SENP7: variants seen among roughly 807,000 people sequenced by gnomAD.
SENP7 encodes SUMO specific peptidase 7, also known as sentrin-specific protease 7.
In SENP7, 64 loss-of-function variants were observed where a neutral mutation model predicts 141.2. The observed-to-expected ratio is 0.45, with a 90% confidence interval of 0.37 to 0.56. The LOEUF is 0.56. Among genes scored for constraint, SENP7 ranks in the 20% least tolerant of loss-of-function variants. The pLI is 0.00. For missense variants in SENP7, 1,025 were observed against 1,212.2 expected, an observed-to-expected ratio of 0.85 and a Z score of 2.29; for synonymous variants, 382 against 426.4, an observed-to-expected ratio of 0.90 and a Z score of 1.28.
At chr3:101,439,527 G>A (rs1412647875) in intron 4 of SENP7, among the ~76,000 whole-genome samples, 30 of 40,838 alleles carry the variant, frequency 7.3e-4, no homozygotes, top group East Asian at 2.8e-3. Context: ...CTGGCCAGCC[G>A]TGCCGTCCGG....
chr3:101,457,282 C>G, intron 4 of SENP7: 1 of 1,566,928 alleles, frequency 6.4e-7, no homozygotes, highest in Non-Finnish European at 8.7e-7. Flanking sequence ...AAATTCTCCA[C>G]AAGATCAGGA....
At chr3:101,466,412 C>T (rs1314879054) in intron 3 of SENP7, among the ~76,000 whole-genome samples, 1 of 151,988 alleles carries the variant, frequency 6.6e-6, no homozygotes, top group African/African-American at 2.4e-5. Flanking sequence ...AGATTAAAAA[C>T]AAATTTCTCA....
At chr3:101,453,228 G>A (rs2063215979) in intron 4 of SENP7, among the ~76,000 whole-genome samples, 1 of 152,234 alleles carries the variant, frequency 6.6e-6, no homozygotes, top group Non-Finnish European at 1.5e-5. Context: ...AGGTGCTGGA[G>A]AGAATGTGGA....
At chr3:101,414,735 T>G in intron 5 of SENP7, 1 of 684,492 alleles carries the variant, frequency 1.5e-6, no homozygotes, top group Non-Finnish European at 2.5e-6. Context: ...ATGAAGAAAT[T>G]AAGGATGGCC....
intron 6 of SENP7, among the ~76,000 whole-genome samples, chr3:101,380,435 GCC>G (rs11348061): frequency 0.036 from 3,389 of 95,138 alleles, 122 homozygotes; most frequent in African/African-American, 0.046. Flanking sequence ...GCAAACCACC[GCC>G]CCCCCCCCCA....
intron 17 of SENP7, among the ~76,000 whole-genome samples, chr3:101,333,958 C>T (rs1299810370): frequency 1.3e-5 from 2 of 152,118 alleles, no homozygotes; most frequent in Non-Finnish European, 1.5e-5. Flanking sequence ...CTCCTCAGAC[C>T]GTCAGGCATT....
intron 4 of SENP7, among the ~76,000 whole-genome samples, chr3:101,442,989 A>G (rs1482327399): frequency 1.3e-5 from 2 of 152,226 alleles, no homozygotes; most frequent in East Asian, 1.9e-4. Flanking sequence ...TTTGGTTGCC[A>G]TTGCTTTTGG....
At chr3:101,492,906 A>G (rs1278581951) in intron 3 of SENP7, among the ~76,000 whole-genome samples, 2 of 151,604 alleles carry the variant, frequency 1.3e-5, no homozygotes, top group African/African-American at 4.8e-5. Context: ...CAGCAAGATC[A>G]CTCGAGCCCA....
intron 6 of SENP7, among the ~76,000 whole-genome samples, chr3:101,383,588 C>T (rs1011617653): frequency 2.0e-5 from 3 of 152,212 alleles, no homozygotes; most frequent in Admixed American, 6.5e-5. Flanking sequence ...ACTCTCAGTG[C>T]CCACTCCAAT....
chr3:101,470,488 A>G (rs1447576220), intron 3 of SENP7, among the ~76,000 whole-genome samples: 1 of 152,184 alleles, frequency 6.6e-6, no homozygotes, highest in Non-Finnish European at 1.5e-5. Context: ...CGAGGTATCA[A>G]TGGAACGTAT....
intron 4 of SENP7, among the ~76,000 whole-genome samples, chr3:101,422,833 T>C (rs1189396582): frequency 6.6e-6 from 1 of 152,028 alleles, no homozygotes; most frequent in South Asian, 2.1e-4. Context: ...AAAAATAACA[T>C]GTTTGCCTAT....
In SENP7 at chr3:101,429,811, A is replaced by C. The variant is rs537313742; in HGVS notation, c.285-12021T>G. Among the ~76,000 whole-genome samples, 4 of 152,164 alleles carry C rather than the reference A, an allele frequency of 2.6e-5. No homozygotes were observed. In the South Asian group the frequency reaches 8.3e-4, roughly 32 times the overall value. On this transcript the variant is annotated intron_variant, in intron 4 of 23. Transcript: ENST00000394095. The stretch of plus-strand genomic sequence containing the variant: ...TTCCAGTTTTTGCCCATTCAGTATG[A>C]TATTGGCTGTGGGTTTGTCATAAAT...
intron 4 of SENP7, among the ~76,000 whole-genome samples, chr3:101,441,975 T>A (rs2062693344): frequency 6.6e-6 from 1 of 152,188 alleles, no homozygotes; most frequent in Non-Finnish European, 1.5e-5. Context: ...ACATGGAGAC[T>A]ATACCACTGC....
chr3:101,344,354 A>G (rs1172856311), intron 13 of SENP7, among the ~76,000 whole-genome samples: 1 of 152,204 alleles, frequency 6.6e-6, no homozygotes, highest in Admixed American at 6.5e-5. Flanking sequence ...AGTCATTTCA[A>G]TGGTGATCTG....
At chr3:101,414,444 G>A (rs2061548299) in intron 5 of SENP7, 3 of 1,337,366 alleles carry the variant, frequency 2.2e-6, no homozygotes, top group Admixed American at 3.4e-5. Context: ...AGAAGTTCCA[G>A]GACCACCTGG....
intron 3 of SENP7, among the ~76,000 whole-genome samples, chr3:101,471,816 AC>A (rs912295135): frequency 1.3e-5 from 2 of 151,838 alleles, no homozygotes; most frequent in African/African-American, 4.8e-5. Context: ...AAAACAAACA[AC>A]CCCCTCATCA....
chr3:101,398,761 T>G (rs929094155), intron 6 of SENP7, 100 bp downstream of exon 6: 30 of 908,736 alleles, frequency 3.3e-5, no homozygotes, highest in Non-Finnish European at 4.8e-5. Context: ...TCAGAGCACA[T>G]TTACCTCACA....
At chr3:101,354,738 G>T (rs1237278070) in intron 11 of SENP7, among the ~76,000 whole-genome samples, 1 of 151,980 alleles carries the variant, frequency 6.6e-6, no homozygotes, top group Non-Finnish European at 1.5e-5. Flanking sequence ...ACTTATATTT[G>T]TCTGGGTATA....
At chr3:101,440,582 A>T (rs4683904) in intron 4 of SENP7, among the ~76,000 whole-genome samples, 56,141 of 111,590 alleles carry the variant, frequency 0.5, 11,405 homozygotes, top group Admixed American at 0.6. Context: ...AAAATAAATT[A>T]AAAAAAAAAA....
Sources: gnomAD v4.1 joint callset for allele counts (sites outside exome capture counted in the v4.1 genomes callset) on GRCh38, gnomAD v4.1.1 for gene constraint, MANE v1.5 for transcripts, NCBI Gene and HGNC (gene_info 2026-07-23, HGNC 2026-07-21) for gene names.